The following BRD3 variants were observed in gnomAD, a reference collection of about 807,000 sequenced individuals.
BRD3 encodes bromodomain containing 3, also known as bromodomain-containing protein 3.
In BRD3, 17 loss-of-function variants were observed where a neutral mutation model predicts 66.8. The observed-to-expected ratio is 0.25, with a 90% CI of 0.17 to 0.38. The LOEUF (loss-of-function observed/expected upper bound fraction) is 0.38. Among genes scored for constraint, BRD3 ranks in the 10% least tolerant of loss-of-function variants. BRD3 has a pLI of 1.00. For synonymous variants in BRD3, 421 were observed against 393.2 expected, an observed-to-expected ratio of 1.07 and a Z score of -0.84; for missense variants, 713 against 956.1, an observed-to-expected ratio of 0.75 and a Z score of 3.35.
intron 5 of BRD3, among the ~76,000 whole-genome samples, chr9:134,048,691 C>T (rs1830228664): frequency 6.6e-6 from 1 of 152,308 alleles, no homozygotes; most frequent in Middle Eastern, 3.4e-3. Flanking sequence ...AACCCGCCCT[C>T]ACCTGGGCGA....
intron 1 of BRD3, among the ~76,000 whole-genome samples, chr9:134,066,626 TA>T (rs1443920214): frequency 2.0e-5 from 3 of 151,222 alleles, no homozygotes; most frequent in Non-Finnish European, 4.4e-5. Flanking sequence ...AAGAGCAGGG[TA>T]AAAAGAAAAC....
At chr9:134,040,851 C>T (rs1830028897) in intron 8 of BRD3, among the ~76,000 whole-genome samples, 1 of 152,236 alleles carries the variant, frequency 6.6e-6, no homozygotes, top group South Asian at 2.1e-4. Flanking sequence ...CAGCATTAAT[C>T]CAGGGCCTCC....
At chr9:134,062,513 G>A (rs572684344) in intron 1 of BRD3, among the ~76,000 whole-genome samples, 1 of 152,190 alleles carries the variant, frequency 6.6e-6, no homozygotes, top group African/African-American at 2.4e-5. Context: ...ATGGCCCCAC[G>A]GCCCTGGGTG....
intron 1 of BRD3, among the ~76,000 whole-genome samples, chr9:134,062,576 G>A (rs1435604741): frequency 6.6e-6 from 1 of 152,102 alleles, no homozygotes; most frequent in Non-Finnish European, 1.5e-5. Flanking sequence ...ACAGCCTTCT[G>A]GCCACAACCC....
At chr9:134,034,183 A>AT (rs1048441874) in intron 11 of BRD3, among the ~76,000 whole-genome samples, 2 of 152,080 alleles carry the variant, frequency 1.3e-5, no homozygotes, top group African/African-American at 4.8e-5. Flanking sequence ...TGTCCCCCCC[A>AT]TATGTGTGTC....
At chr9:134,051,881 T>TGTGTG (rs1564555879) in intron 3 of BRD3, among the ~76,000 whole-genome samples, 172 bp from the exon 4 acceptor site, 42 of 51,794 alleles carry the variant, frequency 8.1e-4, no homozygotes, top group African/African-American at 3.9e-3. Context: ...GTGTGTGTTG[T>TGTGTG]TTTTTTTGTT....
Position 134,036,276 on chromosome 9 carries a change from C to T in BRD3, c.1692G>A (p.Glu564=). 1 of 1,613,514 alleles carries T rather than the reference C, an allele frequency of 6.2e-7. No homozygotes were observed. The highest frequency in any genetic ancestry group is 8.5e-7 in the Non-Finnish European group (1 of 1,179,712). Reference sequence around the variant, plus strand: ...TCATGGGCAGGCCCTCCTCCTCTTCCTCTGAGTCGTAGGAGGCAGATGCCT... The same window carrying T: ...TCATGGGCAGGCCCTCCTCCTCTTCTTCTGAGTCGTAGGAGGCAGATGCCT... ...GKQASASYDS[E]EEEEGLPMSY... Residue 564 remains glutamate (E), a synonymous_variant, in exon 10 of 12, where the codon GAG becomes GAA. Coordinates refer to ENST00000303407, the MANE Select transcript of BRD3 (RefSeq NM_007371.4).
At chr9:134,060,885 C>T (rs1474468525) in intron 1 of BRD3, among the ~76,000 whole-genome samples, 1 of 152,224 alleles carries the variant, frequency 6.6e-6, no homozygotes, top group African/African-American at 2.4e-5. Flanking sequence ...CTGGACTCTG[C>T]CTTCCTCTCC....
intron 7 of BRD3, among the ~76,000 whole-genome samples, chr9:134,044,676 C>T (rs1830130403): frequency 2.0e-5 from 3 of 152,174 alleles, no homozygotes; most frequent in South Asian, 4.1e-4. Flanking sequence ...AAAATGCACA[C>T]GCAGGCAGGA....
At chr9:134,037,842 A>G (rs1387316742) in intron 9 of BRD3, among the ~76,000 whole-genome samples, 1 of 152,238 alleles carries the variant, frequency 6.6e-6, no homozygotes, top group Non-Finnish European at 1.5e-5. Flanking sequence ...ACACATCACT[A>G]CAGGCCCTAC....
chr9:134,049,089 G>A (rs189389798), intron 5 of BRD3, among the ~76,000 whole-genome samples: 245 of 152,214 alleles, frequency 1.6e-3, no homozygotes, highest in Non-Finnish European at 2.8e-3. Context: ...GGGAGCCACC[G>A]AAGGCCATTT....
At chr9:134,040,388 G>GC in intron 8 of BRD3, 119 bp from the exon 9 acceptor site, 3 of 1,200,806 alleles carry the variant, frequency 2.5e-6, no homozygotes, top group Non-Finnish European at 3.5e-6. Context: ...GCTGGGTGAG[G>GC]AGGTGAACCA....
intron 5 of BRD3, 113 bp downstream of exon 5, chr9:134,050,261 C>G (rs1830260937): frequency 3.1e-6 from 3 of 958,342 alleles, no homozygotes; most frequent in Non-Finnish European, 3.1e-6. Context: ...GAAACACTCC[C>G]AAGAGCCAGC....
At chr9:134,062,634 C>G (rs993987149) in intron 1 of BRD3, among the ~76,000 whole-genome samples, 1 of 152,290 alleles carries the variant, frequency 6.6e-6, no homozygotes, top group East Asian at 1.9e-4. Context: ...ACCCACTCCT[C>G]GAATAGAGAG....
Position 134,050,574 on chromosome 9 carries a change from C to T in BRD3, c.514G>A (p.Ala172Thr), listed in dbSNP as rs1830271232. ...GAQSAGTQQVAAVSSVSPATP... is the reference protein window; with the variant it reads ...GAQSAGTQQVTAVSSVSPATP... ...GCTGGGGAGACAGAGGACACGGCCG[C>T]CACTTGCTGTGTACCTTCAAGACAA... Residue 172 changes from alanine (A) to threonine (T), a missense_variant, in exon 5 of 12, where the codon GCG (alanine) becomes ACG (threonine). By Grantham distance (58) the Ala-to-Thr change is moderately conservative. This residue lies in a region of BRD3 where 120 missense variants were observed against 122.8 expected (regional missense o/e 0.98). Coordinates refer to ENST00000303407, the MANE Select transcript of BRD3 (RefSeq NM_007371.4). 6.2e-7 allele frequency: 1 copy of T among 1,606,748 alleles called. No individual in the cohort carries two copies. Among genetic ancestry groups the T allele is most frequent in the Non-Finnish European group, 8.5e-7 (1 of 1,178,426 alleles).
At chr9:134,059,617 G>A (rs1266103711) in intron 1 of BRD3, among the ~76,000 whole-genome samples, 2 of 152,238 alleles carry the variant, frequency 1.3e-5, no homozygotes, top group African/African-American at 4.8e-5. Context: ...TGGGGAACAG[G>A]GGGGCCCCAC....
In BRD3 at chr9:134,031,376, C is replaced by CTA. The variant is rs1843510226; in HGVS notation, c.*2213_*2214insTA. ...CCCGGCTTAGGGTGTACGTATCACC[C>CTA]AGCCCTGTGCTGGCAGCACGTTACC... On this transcript the variant is annotated 3_prime_UTR_variant, in exon 12 of 12. Transcript: ENST00000303407. The CTA allele has an allele frequency of 4.8e-6, 1 of 208,424 alleles. No homozygotes were observed. The highest frequency in any genetic ancestry group is 9.8e-6 in the Non-Finnish European group (1 of 102,396). 12.9% of individuals were successfully genotyped at this position (208,424 alleles called of 1,614,324 possible).
intron 7 of BRD3, among the ~76,000 whole-genome samples, chr9:134,044,792 T>TTCCCTGAAGATG (rs1830134674): frequency 6.6e-6 from 1 of 152,216 alleles, no homozygotes. Flanking sequence ...CACTCCTGTT[T>TTCCCTGAAGATG]TCCCTGAAGA....
At chr9:134,063,962 G>A (rs536510917) in intron 1 of BRD3, among the ~76,000 whole-genome samples, 1 of 152,290 alleles carries the variant, frequency 6.6e-6, no homozygotes, top group East Asian at 1.9e-4. Context: ...GGGGCCTGCG[G>A]CAAGGAGGGG....
Sources: gnomAD v4.1 joint callset for allele counts (sites outside exome capture counted in the v4.1 genomes callset) on GRCh38, gnomAD v4.1.1 for gene constraint, gnomAD v4.1.1 regional missense constraint, MANE v1.5 for transcripts, NCBI Gene and HGNC (gene_info 2026-07-23, HGNC 2026-07-21) for gene names.